The following CARS2 variants were observed in gnomAD, a reference collection of about 807,000 sequenced individuals.
CARS2 encodes the protein cysteinyl-tRNA synthetase 2, mitochondrial, also known as probable cysteine--tRNA ligase, mitochondrial.
Under a neutral mutation model 68.8 loss-of-function variants are expected in CARS2, and 52 were observed. The observed-to-expected ratio is 0.76, with a 90% confidence interval of 0.61 to 0.95. The LOEUF is 0.95. Among genes scored for constraint, CARS2 ranks in the 40% least tolerant of loss-of-function variants. The pLI is 0.00. For synonymous variants in CARS2, 314 were observed against 303.6 expected (o/e 1.03, Z -0.36); for missense variants, 780 against 754.2 (o/e 1.03, Z -0.40).
chr13:110,665,400 A>G lies in CARS2; in HGVS notation c.920-1882T>C, dbSNP rs2062620855. ...GGCAGAGGTTGCGGTGAGCTCAGATAGTGCCACTGCACTCCCAGGCTGGGG... is the reference window on the plus strand; with the variant it reads ...GGCAGAGGTTGCGGTGAGCTCAGATGGTGCCACTGCACTCCCAGGCTGGGG... On this transcript the variant is annotated intron_variant, in intron 8 of 14. Transcript: ENST00000257347. This position sits in a 1 kb window ranked among gnomAD's most constrained non-coding sequence, Gnocchi z 4.3. 5.2e-6 allele frequency: 5 copies of G among 960,330 alleles called. No individual in the cohort carries two copies. The highest frequency in any genetic ancestry group is 6.2e-6 in the Non-Finnish European group (5 of 806,912). The allele number at this position is 960,330 out of a possible 1,614,324, so 59.5% of individuals were successfully genotyped here.
intron 6 of CARS2, among the ~76,000 whole-genome samples, chr13:110,680,074 T>C (rs2063112211): frequency 6.6e-6 from 1 of 150,622 alleles, no homozygotes; most frequent in Admixed American, 6.6e-5. Flanking sequence ...ACAGTCTGCC[T>C]GTATAAAAGT....
chr13:110,658,306 C>T (rs918656938), intron 9 of CARS2, among the ~76,000 whole-genome samples: 2 of 152,000 alleles, frequency 1.3e-5, no homozygotes, highest in Non-Finnish European at 2.9e-5. Context: ...TCCACTTACA[C>T]GAGATCTAGA....
At chr13:110,679,581 A>AAGAAAGAAAGAAAGAGAG (rs1407364356) in intron 6 of CARS2, among the ~76,000 whole-genome samples, 2 of 51,150 alleles carry the variant, frequency 3.9e-5, no homozygotes, top group African/African-American at 1.4e-4. Flanking sequence ...GAGAGAAAGA[A>AAGAAAGAAAGAAAGAGAG]AGAAAGAAAG....
At chr13:110,650,918 G>A (rs2062191608) in intron 10 of CARS2, 116 bp downstream of exon 10, 1 of 743,984 alleles carries the variant, frequency 1.3e-6, no homozygotes, top group Non-Finnish European at 2.3e-6. Flanking sequence ...GCACACAGCA[G>A]CCTCACTCAA....
intron 12 of CARS2, chr13:110,644,888 C>T (rs1297779152): frequency 1.1e-5 from 2 of 174,268 alleles, no homozygotes; most frequent in Admixed American, 5.5e-5. Context: ...TGACACTAGC[C>T]TTAGTTTGCA....
intron 2 of CARS2, among the ~76,000 whole-genome samples, chr13:110,704,850 G>T (rs74125058): frequency 2.0e-5 from 3 of 152,158 alleles, no homozygotes; most frequent in African/African-American, 7.2e-5. Context: ...ATTATATTTT[G>T]GAAATGTACA....
chr13:110,680,982 C>T (rs2063142479), intron 6 of CARS2, among the ~76,000 whole-genome samples: 1 of 152,186 alleles, frequency 6.6e-6, no homozygotes, highest in Admixed American at 6.5e-5. Flanking sequence ...GACTCAGGTG[C>T]CTTCGCTCCC....
At chr13:110,706,145 G>A (rs1234564458), upstream of CARS2, 6 of 1,223,586 alleles carry the variant, frequency 4.9e-6, no homozygotes, top group Admixed American at 8.8e-5. Context: ...CGCCGGGTAC[G>A]CTGCCGGTCG....
intron 13 of CARS2, chr13:110,644,115 T>C (rs913457968): frequency 6.5e-5 from 89 of 1,366,658 alleles, no homozygotes; most frequent in Admixed American, 2.0e-4. Context: ...TAAACGTGTG[T>C]GCAGAGCTGG....
chr13:110,641,541 C>T lies in CARS2; in HGVS notation c.1691G>A (p.Gly564Asp). The part of the protein sequence containing the change: ...DQRTKDQKSA[G>D] ...GTTCATGGCTGTGCTCCATCCTCAGCCCGCTGATTTTTGGTCTTTTGTCCT... is the reference window on the plus strand; with the variant it reads ...GTTCATGGCTGTGCTCCATCCTCAGTCCGCTGATTTTTGGTCTTTTGTCCT... Residue 564 changes from glycine (G) to aspartate (D), a missense_variant, in exon 15 of 15, where the codon GGC becomes GAC. By Grantham distance (94) the Gly-to-Asp change is moderately conservative (BLOSUM62 -1). Coordinates refer to ENST00000257347, the MANE Select transcript of CARS2 (RefSeq NM_024537.4). 6.2e-7 allele frequency: 1 copy of T among 1,613,076 alleles called. No individual in the cohort carries two copies. The highest frequency in any genetic ancestry group is 8.5e-7 in the Non-Finnish European group (1 of 1,179,004).
intron 3 of CARS2, among the ~76,000 whole-genome samples, chr13:110,693,255 C>T (rs1029233760): frequency 1.3e-5 from 2 of 152,144 alleles, no homozygotes; most frequent in African/African-American, 4.8e-5. Context: ...CGTGGCTGCA[C>T]CAGCACCAAC....
intron 7 of CARS2, among the ~76,000 whole-genome samples, chr13:110,673,816 C>T (rs1170791523): frequency 6.6e-6 from 1 of 152,064 alleles, no homozygotes; most frequent in African/African-American, 2.4e-5. Context: ...TAGAAAACCC[C>T]ATCATCTCAG....
At chr13:110,688,402 T>C (rs1278877904) in intron 3 of CARS2, among the ~76,000 whole-genome samples, 1 of 152,060 alleles carries the variant, frequency 6.6e-6, no homozygotes, top group Non-Finnish European at 1.5e-5. Context: ...ACAGCCATGA[T>C]CGTGCCACTG....
At chr13:110,702,765 C>T (rs1342622799) in intron 2 of CARS2, among the ~76,000 whole-genome samples, 2 of 152,144 alleles carry the variant, frequency 1.3e-5, no homozygotes, top group Non-Finnish European at 2.9e-5. Flanking sequence ...TACACAAACA[C>T]GCACACACAC....
At chr13:110,693,790 G>A (rs2063544349) in intron 3 of CARS2, among the ~76,000 whole-genome samples, 1 of 152,090 alleles carries the variant, frequency 6.6e-6, no homozygotes, top group South Asian at 2.1e-4. Flanking sequence ...GCGCTAAAAT[G>A]GGGTCCTAGT....
chr13:110,687,587 G>C (rs2063335910), intron 5 of CARS2, 134 bp downstream of exon 5: 1 of 601,286 alleles, frequency 1.7e-6, no homozygotes, highest in African/African-American at 1.9e-5. Flanking sequence ...GCTGAGACGG[G>C]AGAATCGCTT....
In CARS2 at chr13:110,665,990, A is replaced by G. The variant is rs984587708; in HGVS notation, c.919+1350T>C. On this transcript the variant is annotated intron_variant, in intron 8 of 14. Coordinates refer to ENST00000257347, the MANE Select transcript of CARS2 (RefSeq NM_024537.4). The surrounding 1 kb of genome is among the most constrained non-coding windows in gnomAD (Gnocchi z 4.3). ...TCTTTATCTTTCTTCATCTGGGACA[A>G]GGGACACGACTACCTCTGTGCCTGA... The G allele has an allele frequency of 4.1e-6, 4 of 985,188 alleles. No homozygotes were observed. The African/African-American group carries it at 7.0e-5, about 17-fold the overall frequency. 61.0% of individuals were successfully genotyped at this position (985,188 alleles called of 1,614,324 possible).
At chr13:110,658,115 A>G (rs1218578984) in intron 9 of CARS2, among the ~76,000 whole-genome samples, 1 of 152,046 alleles carries the variant, frequency 6.6e-6, no homozygotes, top group Non-Finnish European at 1.5e-5. Context: ...AGTCAACACC[A>G]CAGGAAAAAT....
At chr13:110,655,544 A>G (rs1219831430) in intron 9 of CARS2, among the ~76,000 whole-genome samples, 1 of 152,228 alleles carries the variant, frequency 6.6e-6, no homozygotes, top group Non-Finnish European at 1.5e-5. Flanking sequence ...GGAAAGTGAG[A>G]AGCACAGCTA....
Sources: gnomAD v4.1 joint callset for allele counts (sites outside exome capture counted in the v4.1 genomes callset) on GRCh38, gnomAD v4.1.1 for gene constraint, Gnocchi (gnomAD v3.1) non-coding constraint, MANE v1.5 for transcripts, NCBI Gene and HGNC (gene_info 2026-07-23, HGNC 2026-07-21) for gene names.